Variants in SEPTIN7 observed in about 807,000 individuals in gnomAD.
SEPTIN7 encodes septin-7.
SEPTIN7 carries 10 observed loss-of-function variants against 63.3 expected under a neutral mutation model. The observed-to-expected ratio is 0.16, with a 90% CI of 0.10 to 0.27. SEPTIN7 has a LOEUF of 0.27. Ranked by LOEUF, SEPTIN7 falls within the 10% of genes least tolerant of loss-of-function variation. The probability of loss-of-function intolerance (pLI) is 1.00; values close to 1 mark genes in which losing one functional copy is unlikely to be tolerated. For missense variants in SEPTIN7, 310 were observed against 521.0 expected, an observed-to-expected ratio of 0.59 and a Z score of 3.94; for synonymous variants, 131 against 165.3, an observed-to-expected ratio of 0.79 and a Z score of 1.59.
intron 3 of SEPTIN7, among the ~76,000 whole-genome samples, chr7:35,857,960 T>G (rs765441725): frequency 2.9e-4 from 44 of 152,236 alleles, no homozygotes; most frequent in South Asian, 6.2e-4. Flanking sequence ...TCTTTTTTTT[T>G]GGGACAGAGT....
chr7:35,852,343 A>G (rs1012435151), intron 3 of SEPTIN7, among the ~76,000 whole-genome samples: 1 of 152,162 alleles, frequency 6.6e-6, no homozygotes, highest in Non-Finnish European at 1.5e-5. Context: ...ATGGACTACT[A>G]TAACCTTTGC....
rs1295422158 is a variant in SEPTIN7, at chr7:35,818,928, TTTG to T, written c.62-12561_62-12559del. On this transcript the variant is annotated intron_variant, in intron 1 of 13. Coordinates refer to ENST00000350320, the MANE Select transcript of SEPTIN7 (RefSeq NM_001788.6). ...TCTTTTCAGTGAACTAACTTGTGGT[TTTG>T]TTAATGTTTCTGTTTTATGTATTTC... Among the ~76,000 whole-genome samples, 6 of 152,020 alleles carry T rather than the reference TTTG, an allele frequency of 3.9e-5. No homozygotes were observed. In the East Asian group the frequency reaches 1.2e-3, roughly 29 times the overall value.
chr7:35,882,609 T>C (rs1786956717), intron 8 of SEPTIN7, 33 bp downstream of exon 8: 3 of 1,316,958 alleles, frequency 2.3e-6, no homozygotes, highest in Non-Finnish European at 2.9e-6. Flanking sequence ...GCTAAAGTAA[T>C]CTGAGGCCTT....
chr7:35,900,599 G>T (rs1446466619), intron 12 of SEPTIN7: 2 of 152,092 alleles, frequency 1.3e-5, no homozygotes, highest in Admixed American at 1.3e-4. Context: ...AAAAAAACAG[G>T]AATAATCAAG....
chr7:35,817,405 A>G (rs1226981122), intron 1 of SEPTIN7, among the ~76,000 whole-genome samples: 3 of 152,118 alleles, frequency 2.0e-5, no homozygotes, highest in Non-Finnish European at 2.9e-5. Context: ...ATTGATCTAT[A>G]TGTCCTTAAT....
rs1179091707 is a variant in SEPTIN7 at position 35,906,927 on chromosome 7, G to A, written c.*2634G>A. On this transcript the variant is annotated 3_prime_UTR_variant, in exon 14 of 14. Transcript: ENST00000350320. ...GCATGAGGAGCGAAATGTTGACTCA[G>A]TTATCTAGATCATGGTCTCCAAACC... The A allele has an allele frequency of 6.6e-6, 1 of 152,204 alleles. No homozygotes were observed. Among genetic ancestry groups the A allele is most frequent in the African/African-American group, 2.4e-5 (1 of 41,458 alleles). The allele number at this position is 152,204 out of a possible 1,614,324, so 9.4% of individuals were successfully genotyped here. A position where few individuals can be genotyped will look rare whatever the true frequency, so the allele number is the denominator to read the frequency against.
At chr7:35,908,401 A>G (rs1164357006), downstream of SEPTIN7, among the ~76,000 whole-genome samples, 1 of 152,214 alleles carries the variant, frequency 6.6e-6, no homozygotes, top group Admixed American at 6.5e-5. Flanking sequence ...ACCCAGCCAA[A>G]CAGCCTTGTA....
At chr7:35,890,346 G>A (rs1345085756) in intron 10 of SEPTIN7, among the ~76,000 whole-genome samples, 2 of 152,126 alleles carry the variant, frequency 1.3e-5, no homozygotes, top group East Asian at 3.9e-4. Context: ...TCTGCACTCT[G>A]TTGTCTAGTA....
At chr7:35,913,671 G>A in the SEPTIN7 span, among the ~76,000 whole-genome samples, 6 of 151,622 alleles carry the variant, frequency 4.0e-5, no homozygotes, top group East Asian at 1.2e-3. Flanking sequence ...GCTCACTGCA[G>A]CCTTCACCTC....
intron 1 of SEPTIN7, among the ~76,000 whole-genome samples, chr7:35,804,837 T>G (rs1017436928): frequency 1.4e-5 from 2 of 145,424 alleles, no homozygotes; most frequent in Non-Finnish European, 3.1e-5. Flanking sequence ...CTTTTTTTGT[T>G]TTTTTTTTTT....
At chr7:35,875,782 C>T (rs1786439393) in intron 6 of SEPTIN7, among the ~76,000 whole-genome samples, 1 of 152,170 alleles carries the variant, frequency 6.6e-6, no homozygotes, top group Admixed American at 6.5e-5. Context: ...TACATACATA[C>T]ATACATACAT....
At chr7:35,912,238 G>T in the SEPTIN7 span, among the ~76,000 whole-genome samples, 1 of 152,210 alleles carries the variant, frequency 6.6e-6, no homozygotes, top group African/African-American at 2.4e-5. Context: ...AAGGTTGTGG[G>T]TTTACCGGAA....
At chr7:35,815,244 T>C in intron 1 of SEPTIN7, 1 of 384,188 alleles carries the variant, frequency 2.6e-6, no homozygotes, top group Non-Finnish European at 5.1e-6. Flanking sequence ...TTGAGAGTAG[T>C]GATTAAGAAC....
Position 35,863,627 on chromosome 7 carries a change from G to C in SEPTIN7, c.245G>C (p.Gly82Ala). The C allele has an allele frequency of 6.3e-7, 1 of 1,579,824 alleles. No individual in the cohort carries two copies. The highest frequency in any genetic ancestry group is 2.2e-5 in the East Asian group (1 of 44,558). ...LTDLYSPEYP[G>A]PSHRIKKTVQ... Reference sequence around the variant, plus strand: ...GATTTGTATTCTCCAGAGTATCCAGGTCCTTCTCATAGAATTAAAAAGACT... The same window carrying C: ...GATTTGTATTCTCCAGAGTATCCAGCTCCTTCTCATAGAATTAAAAAGACT... The change falls in exon 4 of 14, where the codon GGT becomes GCT. Residue 82 changes from glycine to alanine, a missense_variant. Around this residue, in one of 2 missense-constraint regions of SEPTIN7, gnomAD observed 255 missense variants for 490.5 expected, o/e 0.52. Transcript: ENST00000350320.
chr7:35,859,901 C>A (rs1785413013), intron 3 of SEPTIN7, among the ~76,000 whole-genome samples: 1 of 152,108 alleles, frequency 6.6e-6, no homozygotes, highest in Non-Finnish European at 1.5e-5. Flanking sequence ...TTTACAGATA[C>A]GCAGTTGGGT....
chr7:35,825,848 A>T (rs1783484854), intron 1 of SEPTIN7, among the ~76,000 whole-genome samples: 1 of 152,166 alleles, frequency 6.6e-6, no homozygotes, highest in East Asian at 1.9e-4. Context: ...GTATTTATAG[A>T]GTTAAATATT....
intron 1 of SEPTIN7, among the ~76,000 whole-genome samples, chr7:35,818,021 C>T (rs756608016): frequency 5.3e-5 from 8 of 151,900 alleles, no homozygotes; most frequent in Non-Finnish European, 1.0e-4. Context: ...CTGGAACCTC[C>T]AGAACTGTGT....
chr7:35,859,820 A>G (rs1044731966), intron 3 of SEPTIN7, among the ~76,000 whole-genome samples: 2 of 152,110 alleles, frequency 1.3e-5, no homozygotes, highest in African/African-American at 4.8e-5. Context: ...TCTGGTTACT[A>G]TTTGCATGAA....
At chr7:35,889,966 C>A (rs976054481) in intron 10 of SEPTIN7, among the ~76,000 whole-genome samples, 1 of 152,154 alleles carries the variant, frequency 6.6e-6, no homozygotes, top group Non-Finnish European at 1.5e-5. Flanking sequence ...ACTGACAATA[C>A]GGTATTGCCA....
Sources: allele counts gnomAD v4.1 joint callset (sites outside exome capture counted in the v4.1 genomes callset), GRCh38; gene constraint gnomAD v4.1.1; regional missense constraint gnomAD v4.1.1; transcripts MANE v1.5; gene names NCBI Gene and HGNC (gene_info 2026-07-23, HGNC 2026-07-21).